RARB: variants seen among roughly 807,000 people sequenced by gnomAD.
RARB encodes retinoic acid receptor beta.
RARB carries 17 observed loss-of-function variants against 51.9 expected under a neutral mutation model. The ratio of observed to expected loss-of-function variants is 0.33; its 90% confidence interval spans 0.22 to 0.49. RARB has a LOEUF of 0.49. Ranked by LOEUF, RARB falls within the 20% of genes least tolerant of loss-of-function variation. RARB has a pLI of 0.99. For synonymous variants in RARB, 215 were observed against 195.4 expected (o/e 1.10, Z -0.84); for missense variants, 369 against 550.8 (o/e 0.67, Z 3.30).
At chr3:24,964,828 C>A (rs1332218615) in intron 2 of RARB, among the ~76,000 whole-genome samples, 2 of 152,172 alleles carry the variant, frequency 1.3e-5, no homozygotes, top group African/African-American at 4.8e-5. Flanking sequence ...TTCTGTTCTC[C>A]CTCAAGGGAG....
At chr3:25,300,955 C>T (rs1704024008) in intron 5 of RARB, among the ~76,000 whole-genome samples, 1 of 152,148 alleles carries the variant, frequency 6.6e-6, no homozygotes, top group Non-Finnish European at 1.5e-5. Flanking sequence ...CAAGATCACA[C>T]CACTGCACTC....
At chr3:25,573,266 C>T (rs1435278812) in intron 4 of RARB, among the ~76,000 whole-genome samples, 1 of 152,176 alleles carries the variant, frequency 6.6e-6, no homozygotes, top group Non-Finnish European at 1.5e-5. Context: ...TAGTCTCAGC[C>T]TCGGCTTCTG....
intron 5 of RARB, among the ~76,000 whole-genome samples, chr3:25,406,233 G>A (rs1391841943): frequency 1.3e-5 from 2 of 152,164 alleles, no homozygotes; most frequent in African/African-American, 4.8e-5. Flanking sequence ...AGAGGTTCCA[G>A]GAAGGGATCG....
intron 4 of RARB, among the ~76,000 whole-genome samples, chr3:25,140,073 A>G (rs1158598988): frequency 1.4e-5 from 2 of 147,020 alleles, no homozygotes; most frequent in African/African-American, 2.5e-5. Flanking sequence ...GTGGAGATAT[A>G]CAAGGACATG....
At chr3:25,148,896 CT>C (rs1700237489) in intron 4 of RARB, among the ~76,000 whole-genome samples, 2 of 151,774 alleles carry the variant, frequency 1.3e-5, no homozygotes, top group Non-Finnish European at 2.9e-5. Context: ...CTTCCCCTAT[CT>C]TTTTTCATTT....
rs147003311 is a variant in RARB at position 24,952,320 on chromosome 3, A to G, written c.-380+93568A>G. 7.9e-5 allele frequency among the ~76,000 whole-genome samples: 12 copies of G among 152,262 alleles called. No individual in the cohort carries two copies. The East Asian group carries it at 2.1e-3, about 27-fold the overall frequency. ...AGTCTAACAAATATTTTCTTTTTATATTAATTGAAGGAATTTACCCCCAAC... is the reference window on the plus strand; with the variant it reads ...AGTCTAACAAATATTTTCTTTTTATGTTAATTGAAGGAATTTACCCCCAAC... On this transcript the variant is annotated intron_variant, in intron 2 of 11. Coordinates refer to the RARB transcript ENST00000383772.
chr3:25,219,770 C>T (rs1240470922), intron 5 of RARB, among the ~76,000 whole-genome samples: 1 of 152,146 alleles, frequency 6.6e-6, no homozygotes, highest in Non-Finnish European at 1.5e-5. Context: ...TGTCAAAGAA[C>T]CATACTACCA....
At chr3:25,549,507 C>T (rs1425867095) in intron 3 of RARB, among the ~76,000 whole-genome samples, 1 of 152,078 alleles carries the variant, frequency 6.6e-6, no homozygotes, top group East Asian at 1.9e-4. Flanking sequence ...TTGCCATGAA[C>T]CAACTCGGGG....
At chr3:24,983,795 G>A (rs891354372) in intron 2 of RARB, among the ~76,000 whole-genome samples, 11 of 151,902 alleles carry the variant, frequency 7.2e-5, no homozygotes, top group Non-Finnish European at 1.6e-4. Context: ...GGAAGGGGGC[G>A]ATAAGCTTAT....
chr3:25,257,149 A>C (rs922846545), intron 5 of RARB, among the ~76,000 whole-genome samples: 1 of 152,252 alleles, frequency 6.6e-6, no homozygotes, highest in East Asian at 1.9e-4. Context: ...GTTGACAGTA[A>C]GTTCAGCATG....
chr3:25,389,318 A>G (rs1365280877), intron 5 of RARB, among the ~76,000 whole-genome samples: 1 of 152,030 alleles, frequency 6.6e-6, no homozygotes, highest in East Asian at 1.9e-4. Flanking sequence ...TGCTGTGGGT[A>G]TTGTGGCTTT....
At chr3:25,280,541 A>G (rs1344476776) in intron 5 of RARB, among the ~76,000 whole-genome samples, 1 of 152,200 alleles carries the variant, frequency 6.6e-6, no homozygotes, top group Non-Finnish European at 1.5e-5. Flanking sequence ...TAGACTTTTC[A>G]CAGAACATGG....
At chr3:25,018,187 A>G (rs1362149208) in intron 2 of RARB, among the ~76,000 whole-genome samples, 1 of 152,244 alleles carries the variant, frequency 6.6e-6, no homozygotes, top group East Asian at 1.9e-4. Context: ...TGGCATAATT[A>G]CTACAAACAC....
chr3:25,305,127 A>G (rs756077818), intron 5 of RARB, among the ~76,000 whole-genome samples: 1 of 152,136 alleles, frequency 6.6e-6, no homozygotes, highest in Non-Finnish European at 1.5e-5. Context: ...CTCTGGACGT[A>G]GGATACACTA....
At chr3:24,840,743 A>T (rs965428651) in intron 1 of RARB, among the ~76,000 whole-genome samples, 5 of 69,932 alleles carry the variant, frequency 7.1e-5, no homozygotes, top group East Asian at 5.3e-4. Flanking sequence ...GAGTAAGAGT[A>T]AAAAAAAAAA....
intron 7 of RARB, 28 bp from the exon 8 acceptor site, chr3:25,596,392 C>T (rs536343797): frequency 6.4e-7 from 1 of 1,562,440 alleles, no homozygotes; most frequent in East Asian, 2.2e-5. Flanking sequence ...CTTATCTTAA[C>T]CATATTTCCA....
At chr3:25,115,999 G>T (rs1007676759) in intron 3 of RARB, among the ~76,000 whole-genome samples, 1 of 152,104 alleles carries the variant, frequency 6.6e-6, no homozygotes, top group Admixed American at 6.6e-5. Flanking sequence ...CTCTCCCACA[G>T]ATAATTTCAA....
chr3:25,013,899 G>GT (rs2125281201), intron 2 of RARB, among the ~76,000 whole-genome samples: 1 of 152,190 alleles, frequency 6.6e-6, no homozygotes, highest in East Asian at 1.9e-4. Flanking sequence ...AAAAGGGAAT[G>GT]TTTTGGTTCA....
chr3:24,899,526 C>G (rs1163354311), intron 2 of RARB, among the ~76,000 whole-genome samples: 1 of 152,296 alleles, frequency 6.6e-6, no homozygotes, highest in South Asian at 2.1e-4. Flanking sequence ...ATCAGTCTCT[C>G]TCCCTCAATG....
Sources: gnomAD v4.1 joint callset for allele counts (sites outside exome capture counted in the v4.1 genomes callset) on GRCh38, gnomAD v4.1.1 for gene constraint, MANE v1.5 for transcripts, NCBI Gene and HGNC (gene_info 2026-07-23, HGNC 2026-07-21) for gene names.